ATG7: variants seen among roughly 807,000 people sequenced by gnomAD.
ATG7 encodes the protein ubiquitin-like modifier-activating enzyme ATG7.
A neutral mutation model predicts 82.4 loss-of-function variants in ATG7; 70 were observed. That is an observed-to-expected ratio of 0.85 (90% CI 0.70 to 1.04). The LOEUF (loss-of-function observed/expected upper bound fraction) is 1.04, where lower values mean the gene tolerates loss of function less well. Among genes scored for constraint, ATG7 ranks in the 50% least tolerant of loss-of-function variants. ATG7 has a pLI of 0.00. For synonymous variants in ATG7, 287 were observed against 313.0 expected, an observed-to-expected ratio of 0.92 and a Z score of 0.88; for missense variants, 792 against 864.3, an observed-to-expected ratio of 0.92 and a Z score of 1.05.
intron 18 of ATG7, among the ~76,000 whole-genome samples, chr3:11,371,395 G>T (rs946735052): frequency 6.6e-6 from 1 of 151,060 alleles, no homozygotes. Flanking sequence ...GAATGCAGGG[G>T]CCATTGGAAA....
chr3:11,417,812 TTTA>T (rs1419221602), intron 19 of ATG7, among the ~76,000 whole-genome samples: 21,675 of 86,120 alleles, frequency 0.25, 2,003 homozygotes, highest in East Asian at 0.47. Context: ...TTTATTTTAT[TTTA>T]TTTTTTTTTT....
intron 12 of ATG7, among the ~76,000 whole-genome samples, chr3:11,340,984 A>G (rs1953479730): frequency 6.6e-6 from 1 of 152,202 alleles, no homozygotes. Context: ...TCATGCTCTC[A>G]GACCACCAGC....
intron 20 of ATG7, among the ~76,000 whole-genome samples, chr3:11,502,043 CAT>C (rs2091369459): frequency 6.6e-6 from 1 of 151,250 alleles, no homozygotes; most frequent in Non-Finnish European, 1.5e-5. Flanking sequence ...CACATACACA[CAT>C]ATGTTTATAT....
At chr3:11,336,036 A>ATTTTTTT (rs541306159) in intron 11 of ATG7, among the ~76,000 whole-genome samples, 1 of 111,696 alleles carries the variant, frequency 9.0e-6, no homozygotes, top group Non-Finnish European at 1.8e-5. Context: ...GTGCCCGGTC[A>ATTTTTTT]TTTTTTTTTT....
Position 11,540,908 on chromosome 3 carries a change from G to T in ATG7, c.2080-13903G>T, listed in dbSNP as rs559947165. Among the ~76,000 whole-genome samples, 392 of 117,018 alleles carry T rather than the reference G, an allele frequency of 3.3e-3. 1 individual carries two copies. Among genetic ancestry groups the T allele is most frequent in the African/African-American group, 0.011 (307 of 28,862 alleles). The allele number at this position is 117,018 out of a possible 152,430, so 76.8% of individuals were successfully genotyped here. A position where few individuals can be genotyped will look rare whatever the true frequency, so the allele number is the denominator to read the frequency against. On this transcript the variant is annotated intron_variant, in intron 20 of 20. Coordinates refer to ENST00000693202, the MANE Select transcript of ATG7 (RefSeq NM_001349232.2). ...AAAATTTATAGTTTTAGCTTTTTTT[G>T]GGGGGGGGAGGGGGGGAGTCTTGCT...
intron 19 of ATG7, among the ~76,000 whole-genome samples, chr3:11,420,153 GA>G (rs1208181103): frequency 5.9e-5 from 9 of 152,066 alleles, no homozygotes; most frequent in African/African-American, 1.7e-4. Context: ...TGTTTGGGGG[GA>G]AAAATCCTTG....
At chr3:11,456,429 T>A (rs1211200371) in intron 20 of ATG7, among the ~76,000 whole-genome samples, 1 of 152,226 alleles carries the variant, frequency 6.6e-6, no homozygotes, top group East Asian at 1.9e-4. Flanking sequence ...TGTTATGAAT[T>A]ATGCTGCTGT....
intron 1 of ATG7, among the ~76,000 whole-genome samples, chr3:11,278,492 T>G (rs1942374473): frequency 6.6e-6 from 1 of 152,248 alleles, no homozygotes; most frequent in Admixed American, 6.5e-5. Flanking sequence ...TCATTTGTAT[T>G]TTCTCAAACA....
At chr3:11,281,299 TGA>T (rs1942990339) in intron 2 of ATG7, among the ~76,000 whole-genome samples, 197 bp downstream of exon 2, 1 of 152,226 alleles carries the variant, frequency 6.6e-6, no homozygotes. Flanking sequence ...TACCATGTCT[TGA>T]GCTAATCTAA....
At chr3:11,511,795 T>C (rs140390221) in intron 20 of ATG7, among the ~76,000 whole-genome samples, 7,122 of 152,166 alleles carry the variant, frequency 0.047, 234 homozygotes, top group Middle Eastern at 0.12. Context: ...GGTGGGCTGG[T>C]ACTGCTGGGG....
intron 20 of ATG7, among the ~76,000 whole-genome samples, chr3:11,527,084 TATATATATACATAC>T (rs1392313594): frequency 2.7e-5 from 4 of 148,520 alleles, no homozygotes; most frequent in African/African-American, 9.8e-5. Context: ...TATATATATA[TATATATATACATAC>T]ATATACATAT....
chr3:11,405,603 T>G (rs779913449), intron 19 of ATG7, among the ~76,000 whole-genome samples: 33 of 152,294 alleles, frequency 2.2e-4, no homozygotes, highest in Middle Eastern at 6.8e-3. Flanking sequence ...TTACAAGTAG[T>G]AAGTATGTAG....
At chr3:11,317,237 G>A (rs1335784466) in intron 9 of ATG7, among the ~76,000 whole-genome samples, 1 of 152,106 alleles carries the variant, frequency 6.6e-6, no homozygotes, top group Non-Finnish European at 1.5e-5. Context: ...AATTAGTATA[G>A]CAATAAGACC....
At chr3:11,483,682 T>C (rs963641804) in intron 20 of ATG7, among the ~76,000 whole-genome samples, 2 of 152,170 alleles carry the variant, frequency 1.3e-5, no homozygotes, top group African/African-American at 4.8e-5. Flanking sequence ...AGTAAAAATA[T>C]CTACAAGACA....
At chr3:11,336,393 T>A (rs1240811906) in intron 11 of ATG7, among the ~76,000 whole-genome samples, 1 of 152,182 alleles carries the variant, frequency 6.6e-6, no homozygotes, top group Non-Finnish European at 1.5e-5. Context: ...AGGTTTTCTG[T>A]CGTCCACTAA....
intron 9 of ATG7, among the ~76,000 whole-genome samples, chr3:11,321,799 A>G (rs1950257831): frequency 6.6e-6 from 1 of 152,196 alleles, no homozygotes; most frequent in African/African-American, 2.4e-5. Context: ...TTTCACTCAC[A>G]TGTTCTAATT....
At chr3:11,552,367 A>G (rs1248673733) in intron 20 of ATG7, among the ~76,000 whole-genome samples, 2 of 152,170 alleles carry the variant, frequency 1.3e-5, no homozygotes, top group African/African-American at 4.8e-5. Flanking sequence ...GATATTTTTT[A>G]AAATGTGCCA....
At chr3:11,421,500 G>A (rs950745218) in intron 19 of ATG7, among the ~76,000 whole-genome samples, 1 of 152,160 alleles carries the variant, frequency 6.6e-6, no homozygotes, top group African/African-American at 2.4e-5. Flanking sequence ...TCCTGAGATT[G>A]CAGCAATTCA....
intron 20 of ATG7, among the ~76,000 whole-genome samples, chr3:11,542,228 C>T (rs2125028692): frequency 6.6e-6 from 1 of 152,376 alleles, no homozygotes; most frequent in Admixed American, 6.5e-5. Context: ...TGGACAAGCC[C>T]TTGCACTTAG....
Sources: allele counts gnomAD v4.1 joint callset (sites outside exome capture counted in the v4.1 genomes callset), GRCh38; gene constraint gnomAD v4.1.1; transcripts MANE v1.5; gene names NCBI Gene and HGNC (gene_info 2026-07-23, HGNC 2026-07-21).